The following HUWE1 variants were observed in gnomAD, a reference collection of about 807,000 sequenced individuals.
HUWE1 encodes the protein HECT, UBA and WWE domain containing E3 ubiquitin protein ligase 1.
In HUWE1, 18 loss-of-function variants were observed where a neutral mutation model predicts 299.4. That is an observed-to-expected ratio of 0.06 (90% CI 0.04 to 0.09). The LOEUF is 0.09. HUWE1 is among the 10% of genes least tolerant of loss of function. HUWE1 has a pLI of 1.00. For synonymous variants in HUWE1, 1,317 were observed against 1,286.1 expected (o/e 1.02, Z -0.51); for missense variants, 1,832 against 3,462.3 (o/e 0.53, Z 11.82).
At chrX:53,563,006 A>G in intron 52 of HUWE1, 77 bp from the exon 53 acceptor site, 2 of 834,605 alleles carry the variant, frequency 2.4e-6, no homozygotes, top group Non-Finnish European at 3.6e-6. Context: ...TAAAGTAGCT[A>G]TGTACACCTA....
chrX:53,584,104 T>A, intron 41 of HUWE1, 82 bp downstream of exon 41: 1 of 953,720 alleles, frequency 1.0e-6, no homozygotes, highest in Non-Finnish European at 1.5e-6. Flanking sequence ...ATCAAGCTGA[T>A]GAAAATAACT....
rs1159351087 is a variant in HUWE1, at chrX:53,549,518, C to T, written c.9489-13G>A. On this transcript the variant is annotated splice_polypyrimidine_tract_variant and intron_variant, in intron 66 of 83. Transcript: ENST00000262854. ...ACTGCCAGAAGGCCTGGAAACAGAA[C>T]ATGGTTTTTGGGTAACACTTCAGTG... 4.2e-6 allele frequency: 5 copies of T among 1,192,242 alleles called. No individual in the cohort carries two copies. The African/African-American group carries it at 8.8e-5, about 21-fold the overall frequency.
At chrX:53,568,574 G>GA (rs1295502894) in intron 49 of HUWE1, 118 bp downstream of exon 49, 3 of 593,173 alleles carry the variant, frequency 5.1e-6, no homozygotes, top group Non-Finnish European at 7.9e-6. Context: ...GCCACAATAA[G>GA]AAAGACTTGG....
chrX:53,672,264 CT>C lies in HUWE1; in HGVS notation c.-25+7784del, dbSNP rs374683676. 2.3e-3 allele frequency among the ~76,000 whole-genome samples: 226 copies of C among 96,707 alleles called. 2 individuals carry two copies. The South Asian group carries it at 0.024, about 10-fold the overall frequency. The allele number at this position is 96,707 out of a possible 115,157, so 84.0% of individuals were successfully genotyped here. ...TATTGTGGTTTTGTAGATGTCCTTA[CT>C]TTTTTTTTTTTTTTTGAGACAGAGT... is the stretch of plus-strand genomic sequence containing the variant. On this transcript the variant is annotated intron_variant, in intron 3 of 83. Transcript: ENST00000262854.
chrX:53,602,705 A>T, intron 27 of HUWE1, 47 bp from the exon 28 acceptor site: 1 of 651,192 alleles, frequency 1.5e-6, no homozygotes, highest in Non-Finnish European at 2.4e-6. Flanking sequence ...ATATATATAT[A>T]CTGATAATTC....
rs782486581 is a variant in HUWE1 at position 53,584,184 on chromosome X, A to G, written c.5161+2T>C. 8.3e-7 allele frequency: 1 copy of G among 1,206,836 alleles called. No homozygotes were observed. Among genetic ancestry groups the G allele is most frequent in the East Asian group, 3.0e-5 (1 of 33,839 alleles). On this transcript the variant is annotated splice_donor_variant, in intron 41 of 83. Transcript: ENST00000262854. LOFTEE classifies it high-confidence loss of function. ...TTTAGGTAAAACACTCTTGGTACAT[A>G]CCATTGCCTTTATTTTCTTTACGTT... is the stretch of plus-strand genomic sequence containing the variant.
At chrX:53,645,869 T>C (rs1227965445) in intron 6 of HUWE1, among the ~76,000 whole-genome samples, 2 of 103,306 alleles carry the variant, frequency 1.9e-5, no homozygotes, top group Non-Finnish European at 3.9e-5. Context: ...AAAACGTAAA[T>C]AGTGGTTCAA....
At chrX:53,648,096 G>T in intron 5 of HUWE1, 116 bp downstream of exon 5, 1 of 545,219 alleles carries the variant, frequency 1.8e-6, no homozygotes. Flanking sequence ...CATGCTAGAT[G>T]CTTATTAATT....
chrX:53,647,399 C>G lies in HUWE1; in HGVS notation c.320G>C (p.Ser107Thr). 8.3e-7 allele frequency: 1 copy of G among 1,210,413 alleles called. No homozygotes were observed. Among genetic ancestry groups the G allele is most frequent in the Non-Finnish European group, 1.1e-6 (1 of 894,169 alleles). Residue 107 changes from serine to threonine, a missense_variant, in exon 6 of 84, where the codon AGC (serine) becomes ACC (threonine). Physicochemically the swap from Ser to Thr is moderately conservative, Grantham distance 58. This residue lies in a region of HUWE1 where 658 missense variants were observed against 1,282.6 expected (regional missense o/e 0.51). Coordinates refer to ENST00000262854, the MANE Select transcript of HUWE1 (RefSeq NM_031407.7). ...LNFTALLIEY[S>T]FSRHLYSSIE... is the part of the protein sequence containing the mutation. The stretch of plus-strand genomic sequence containing the variant: ...GGAACTGTACAGATGCCGGGAAAAG[C>G]TGTACTCAATGAGCAAGGCTGTGAA...
intron 7 of HUWE1, among the ~76,000 whole-genome samples, chrX:53,639,144 T>C (rs1453743550): frequency 1.8e-5 from 2 of 112,157 alleles, no homozygotes; most frequent in Non-Finnish European, 3.8e-5. Flanking sequence ...ATCTCCAATA[T>C]GGTTTTACAG....
intron 19 of HUWE1, among the ~76,000 whole-genome samples, chrX:53,619,004 A>T (rs782706606): frequency 1.2e-4 from 14 of 112,368 alleles, no homozygotes; most frequent in South Asian, 3.7e-4. Context: ...AACTTTAATT[A>T]AAAAACCTGA....
chrX:53,598,814 C>T (rs1556987356), intron 29 of HUWE1, among the ~76,000 whole-genome samples: 2 of 111,641 alleles, frequency 1.8e-5, no homozygotes, highest in African/African-American at 6.5e-5. Flanking sequence ...TATACATGCA[C>T]ATATAAACTC....
At chrX:53,596,586 C>T (rs2064488900) in intron 29 of HUWE1, among the ~76,000 whole-genome samples, 1 of 112,157 alleles carries the variant, frequency 8.9e-6, no homozygotes, top group African/African-American at 3.2e-5. Flanking sequence ...CTGTGGTGAG[C>T]TCAAGTGTTG....
rs782095767 is a variant in HUWE1 at position 53,612,543 on chromosome X, A to G, written c.2261+1991T>C. ...TAAACAAACCTACTGACTACCTACT[A>G]TATACAAAGTGATAGGGATACACTG... On this transcript the variant is annotated intron_variant, in intron 23 of 83. Transcript: ENST00000262854. 5.4e-5 allele frequency among the ~76,000 whole-genome samples: 6 copies of G among 112,034 alleles called. No homozygotes were observed. The South Asian group carries it at 2.2e-3, about 42-fold the overall frequency.
rs2061809768 is a variant in HUWE1 at position 53,552,556 on chromosome X, T to C, written c.8750+82A>G. 6.3e-5 allele frequency: 76 copies of C among 1,199,131 alleles called. No homozygotes were observed. In the South Asian group the frequency reaches 1.3e-3, roughly 20 times the overall value. ...CTTTATCTCCCCAGCATAACAAGCA[T>C]GTCCATTAGTTGACGAGTATGAAAT... On this transcript the variant is annotated intron_variant, in intron 62 of 83. Transcript: ENST00000262854.
chrX:53,617,572 G>A (rs2065872672), intron 19 of HUWE1, 126 bp from the exon 20 acceptor site: 2 of 503,543 alleles, frequency 4.0e-6, no homozygotes, highest in Admixed American at 5.9e-5. Flanking sequence ...TGCTTACTAT[G>A]AAATTAAAGA....
At chrX:53,603,609 T>C (rs2064998934) in intron 26 of HUWE1, 108 bp from the exon 27 acceptor site, 1 of 725,780 alleles carries the variant, frequency 1.4e-6, no homozygotes, top group Non-Finnish European at 2.1e-6. Context: ...TTTTTCTTCA[T>C]TGCTATTCTC....
In HUWE1 at chrX:53,678,328, TAAC is replaced by T. The variant is rs1428011938; in HGVS notation, c.-25+1718_-25+1720del. Among the ~76,000 whole-genome samples the T allele has an allele frequency of 3.6e-5, 4 of 112,063 alleles. No individual in the cohort carries two copies. In the East Asian group the frequency reaches 8.4e-4, roughly 23 times the overall value. On this transcript the variant is annotated intron_variant, in intron 3 of 83. Coordinates refer to ENST00000262854, the MANE Select transcript of HUWE1 (RefSeq NM_031407.7). Reference sequence around the variant, plus strand: ...GCTGGTCAACAAGTACATCAAGTTTTAACAACACCACCTATGAAACATCAAACG... The same window carrying T: ...GCTGGTCAACAAGTACATCAAGTTTTAACACCACCTATGAAACATCAAACG...
chrX:53,638,335 G>A (rs1454049868), intron 7 of HUWE1, among the ~76,000 whole-genome samples: 1 of 110,443 alleles, frequency 9.1e-6, no homozygotes, highest in South Asian at 3.8e-4. Flanking sequence ...GCGAGACTCC[G>A]TCTCAAAAAA....
Sources: gnomAD v4.1 joint callset for allele counts (sites outside exome capture counted in the v4.1 genomes callset) on GRCh38, gnomAD v4.1.1 for gene constraint, gnomAD v4.1.1 regional missense constraint, MANE v1.5 for transcripts, NCBI Gene and HGNC (gene_info 2026-07-23, HGNC 2026-07-21) for gene names.